Variants in MAN1C1 observed in about 807,000 individuals in gnomAD.
MAN1C1 encodes mannosyl-oligosaccharide 1,2-alpha-mannosidase IC.
A neutral mutation model predicts 71.5 loss-of-function variants in MAN1C1; 49 were observed. The observed-to-expected ratio is 0.69, with a 90% CI of 0.54 to 0.87. The LOEUF (loss-of-function observed/expected upper bound fraction) is 0.87, where lower values mean the gene tolerates loss of function less well. Ranked by LOEUF, MAN1C1 falls within the 40% of genes least tolerant of loss-of-function variation. MAN1C1 has a pLI of 0.00. For synonymous variants in MAN1C1, 352 were observed against 343.7 expected (o/e 1.02, Z -0.27); for missense variants, 743 against 835.0 (o/e 0.89, Z 1.36).
intron 2 of MAN1C1, among the ~76,000 whole-genome samples, chr1:25,744,751 G>A (rs560019532): frequency 6.6e-6 from 1 of 152,268 alleles, no homozygotes; most frequent in South Asian, 2.1e-4. Flanking sequence ...GTCAACACAA[G>A]TGAGCAGTTA....
chr1:25,749,225 A>G (rs1553193350), intron 3 of MAN1C1, 30 bp from the exon 4 acceptor site: 6 of 1,594,874 alleles, frequency 3.8e-6, no homozygotes, highest in South Asian at 1.1e-5. Context: ...AAGTGTCCCC[A>G]CTGTCCCCCT....
intron 5 of MAN1C1, 141 bp from the exon 6 acceptor site, chr1:25,758,451 T>C: frequency 1.5e-6 from 1 of 682,806 alleles, no homozygotes; most frequent in South Asian, 1.7e-5. Flanking sequence ...CAGGGAGGAT[T>C]CACTGAAATT....
intron 3 of MAN1C1, among the ~76,000 whole-genome samples, chr1:25,747,165 C>T (rs961877601): frequency 6.6e-6 from 1 of 152,214 alleles, no homozygotes; most frequent in Non-Finnish European, 1.5e-5. Flanking sequence ...GGGGACGTGG[C>T]TCATCTGCTG....
intron 4 of MAN1C1, 59 bp downstream of exon 4, chr1:25,749,394 T>C (rs2047182195): frequency 7.3e-7 from 1 of 1,377,792 alleles, no homozygotes; most frequent in African/African-American, 1.4e-5. Flanking sequence ...TTGGAGAATA[T>C]CCAGTCCTTC....
chr1:25,773,806 A>G (rs2047585127), intron 8 of MAN1C1, among the ~76,000 whole-genome samples: 1 of 152,200 alleles, frequency 6.6e-6, no homozygotes, highest in Middle Eastern at 3.2e-3. Flanking sequence ...CTTCCCAGTG[A>G]AGAGCCTGGA....
At chr1:25,656,162 A>G (rs1432363961) in intron 1 of MAN1C1, among the ~76,000 whole-genome samples, 4 of 129,724 alleles carry the variant, frequency 3.1e-5, no homozygotes, top group Non-Finnish European at 6.1e-5. Flanking sequence ...CAGTGGCATG[A>G]TCTCGGCTCA....
chr1:25,778,176 T>C lies in MAN1C1; in HGVS notation c.1329T>C (p.Ile443=), dbSNP rs1393472155. 1 of 1,611,678 alleles carries C rather than the reference T, an allele frequency of 6.2e-7. No individual in the cohort carries two copies. Among genetic ancestry groups the C allele is most frequent in the South Asian group, 1.1e-5 (1 of 90,910 alleles). ...LTYIAEWRGG[I]LDHKMGHLAC... is the part of the protein sequence containing the mutation. ...ACATTGCCGAGTGGCGAGGGGGGAT[T>C]CTGGACCACAAGATGGGGCACCTGG... The change falls in exon 9 of 12, where the codon ATT becomes ATC. Residue 443 remains isoleucine, a synonymous_variant. Coordinates refer to ENST00000374332, the MANE Select transcript of MAN1C1 (RefSeq NM_020379.4). This position sits in a 1 kb window ranked among gnomAD's most constrained non-coding sequence, Gnocchi z 5.5.
Position 25,617,835 on chromosome 1 carries a change from C to T in MAN1C1, c.38C>T (p.Ser13Phe), listed in dbSNP as rs1374089517. The change falls in exon 1 of 12, where the codon TCC (serine) becomes TTC (phenylalanine). Residue 13 changes from serine (S) to phenylalanine (F), a missense_variant. Transcript: ENST00000374332. The surrounding 1 kb of genome is among the most constrained non-coding windows in gnomAD (Gnocchi z 5.1). ...AAAGTGCCCGGCTTCGTCCCGGCCT[C>T]CCCGTGGGGGCTGCGGCTGCCGCAG... is the stretch of plus-strand genomic sequence containing the variant. ...MRKVPGFVPA[S>F]PWGLRLPQKF... 13 of 1,605,692 alleles carry T rather than the reference C, an allele frequency of 8.1e-6. No individual in the cohort carries two copies. In the African/African-American group the frequency reaches 8.1e-5, roughly 10 times the overall value.
chr1:25,662,570 G>GCA (rs34302317), intron 1 of MAN1C1, among the ~76,000 whole-genome samples: 66,231 of 151,672 alleles, frequency 0.44, 19,420 homozygotes, highest in African/African-American at 0.82. Context: ...GCACACATGC[G>GCA]CACACACACA....
At chr1:25,677,388 A>C (rs2046083684) in intron 1 of MAN1C1, among the ~76,000 whole-genome samples, 1 of 150,902 alleles carries the variant, frequency 6.6e-6, no homozygotes, top group Non-Finnish European at 1.5e-5. Flanking sequence ...GACCATCTAG[A>C]GCCACCCTCT....
At chr1:25,654,947 G>T (rs1033393068) in intron 1 of MAN1C1, among the ~76,000 whole-genome samples, 1 of 152,128 alleles carries the variant, frequency 6.6e-6, no homozygotes, top group Non-Finnish European at 1.5e-5. Flanking sequence ...GTCGGGCCTA[G>T]GCTGTAAATT....
At chr1:25,690,230 C>A (rs1032336049) in intron 2 of MAN1C1, among the ~76,000 whole-genome samples, 1 of 151,684 alleles carries the variant, frequency 6.6e-6, no homozygotes, top group Non-Finnish European at 1.5e-5. Flanking sequence ...TGGCCACCAA[C>A]AACGAGGATG....
At chr1:25,729,685 T>C (rs956310646) in intron 2 of MAN1C1, among the ~76,000 whole-genome samples, 2 of 152,094 alleles carry the variant, frequency 1.3e-5, no homozygotes, top group African/African-American at 4.8e-5. Flanking sequence ...CTAATTTTTA[T>C]ATTTTTAATA....
chr1:25,662,601 C>T (rs985771566), intron 1 of MAN1C1, among the ~76,000 whole-genome samples: 2 of 152,146 alleles, frequency 1.3e-5, no homozygotes, highest in Non-Finnish European at 2.9e-5. Context: ...TCCCTAAAGC[C>T]CATCCGTAAA....
chr1:25,751,840 C>T (rs1326090904), intron 4 of MAN1C1, among the ~76,000 whole-genome samples: 1 of 152,174 alleles, frequency 6.6e-6, no homozygotes, highest in Non-Finnish European at 1.5e-5. Context: ...GGCCTTTGTG[C>T]TATGGGCCTG....
At chr1:25,673,310 C>T (rs1255397376) in intron 1 of MAN1C1, among the ~76,000 whole-genome samples, 1 of 152,048 alleles carries the variant, frequency 6.6e-6, no homozygotes, top group Non-Finnish European at 1.5e-5. Context: ...CCTTGCAGCA[C>T]CCAGAGAAGG....
intron 6 of MAN1C1, chr1:25,761,235 T>A (rs1369158722): frequency 6.6e-6 from 1 of 152,178 alleles, no homozygotes; most frequent in African/African-American, 2.4e-5. Flanking sequence ...ATTATTATTT[T>A]TATTAAAACA....
intron 1 of MAN1C1, among the ~76,000 whole-genome samples, chr1:25,653,121 A>C (rs1169082624): frequency 6.6e-6 from 1 of 152,148 alleles, no homozygotes; most frequent in African/African-American, 2.4e-5. Context: ...ACTGTTTCCC[A>C]GGCTGCAGTG....
In MAN1C1 at chr1:25,769,128, T is replaced by TTCACACACTACACACTCCCC. The variant is rs1407330207; in HGVS notation, c.1142-2521_1142-2502dup. ...TCCCACACACACACCACACACTCCC[T>TTCACACACTACACACTCCCC]TCACACACTACACACTCCCCTCACA... On this transcript the variant is annotated intron_variant, in intron 7 of 11. Coordinates refer to ENST00000374332, the MANE Select transcript of MAN1C1 (RefSeq NM_020379.4). This position sits in a 1 kb window ranked among gnomAD's most constrained non-coding sequence, Gnocchi z 4.8. Among the ~76,000 whole-genome samples, 1 of 121,696 alleles carries TTCACACACTACACACTCCCC rather than the reference T, an allele frequency of 8.2e-6. No homozygotes were observed. The highest frequency in any genetic ancestry group is 3.3e-5 in the African/African-American group (1 of 30,546). The allele number at this position is 121,696 out of a possible 152,430, so 79.8% of individuals were successfully genotyped here.
Sources: gnomAD v4.1 joint callset for allele counts (sites outside exome capture counted in the v4.1 genomes callset) on GRCh38, gnomAD v4.1.1 for gene constraint, Gnocchi (gnomAD v3.1) non-coding constraint, MANE v1.5 for transcripts, NCBI Gene and HGNC (gene_info 2026-07-23, HGNC 2026-07-21) for gene names.